ROBO2: variants seen among roughly 807,000 people sequenced by gnomAD.
ROBO2 encodes roundabout guidance receptor 2.
ROBO2 carries 53 observed loss-of-function variants against 160.8 expected under a neutral mutation model. The observed-to-expected ratio is 0.33, with a 90% CI of 0.26 to 0.41. The LOEUF (loss-of-function observed/expected upper bound fraction) is 0.41, where lower values mean the gene tolerates loss of function less well. Ranked by LOEUF, ROBO2 falls within the 10% of genes least tolerant of loss-of-function variation. The pLI is 1.00. For synonymous variants in ROBO2, 664 were observed against 611.7 expected (o/e 1.09, Z -1.26); for missense variants, 1,577 against 1,722.4 (o/e 0.92, Z 1.49).
chr3:77,331,221 C>T (rs1371443684), intron 2 of ROBO2, among the ~76,000 whole-genome samples: 1 of 152,166 alleles, frequency 6.6e-6, no homozygotes, highest in Non-Finnish European at 1.5e-5. Context: ...AATACATAAA[C>T]AGGACTCAAA....
intron 2 of ROBO2, among the ~76,000 whole-genome samples, chr3:76,484,942 T>C (rs1183830185): frequency 6.6e-6 from 1 of 152,078 alleles, no homozygotes; most frequent in East Asian, 1.9e-4. Flanking sequence ...CCCTATTTGG[T>C]CAACTATCTG....
intron 2 of ROBO2, among the ~76,000 whole-genome samples, chr3:77,292,912 C>A (rs1190746664): frequency 3.4e-5 from 5 of 149,002 alleles, no homozygotes; most frequent in Non-Finnish European, 7.4e-5. Context: ...GAGGCTAGAT[C>A]ACCAAAGACA....
At chr3:76,097,541 G>A (rs748597129) in intron 2 of ROBO2, among the ~76,000 whole-genome samples, 17 of 151,666 alleles carry the variant, frequency 1.1e-4, no homozygotes, top group Non-Finnish European at 1.9e-4. Flanking sequence ...ACTGTGCATG[G>A]CAGATGGTGA....
intron 2 of ROBO2, among the ~76,000 whole-genome samples, chr3:76,081,729 C>T (rs1438555201): frequency 6.6e-6 from 1 of 152,026 alleles, no homozygotes; most frequent in African/African-American, 2.4e-5. Context: ...GGATACCACA[C>T]CTGTCCTTTA....
intron 17 of ROBO2, among the ~76,000 whole-genome samples, chr3:77,591,693 T>C (rs1461007531): frequency 6.6e-6 from 1 of 152,174 alleles, no homozygotes; most frequent in African/African-American, 2.4e-5. Flanking sequence ...AGACTTTTGA[T>C]TGAGAGTCAC....
At chr3:76,948,908 A>ATATATTTTTTT (rs1209284372) in intron 2 of ROBO2, among the ~76,000 whole-genome samples, 5 of 24,966 alleles carry the variant, frequency 2.0e-4, no homozygotes, top group African/African-American at 9.2e-4. Context: ...ATATATATAT[A>ATATATTTTTTT]TTTTTTTTTT....
intron 2 of ROBO2, among the ~76,000 whole-genome samples, chr3:77,456,919 G>A (rs535764891): frequency 6.6e-6 from 1 of 152,296 alleles, no homozygotes; most frequent in Non-Finnish European, 1.5e-5. Context: ...CTGCATCTGA[G>A]CACCAATTTC....
chr3:76,700,665 A>G (rs2093029072), intron 2 of ROBO2, among the ~76,000 whole-genome samples: 1 of 152,132 alleles, frequency 6.6e-6, no homozygotes, highest in African/African-American at 2.4e-5. Context: ...GTTCTTGACT[A>G]TCTTCTTCAA....
At chr3:76,742,067 A>T (rs1047655547) in intron 2 of ROBO2, among the ~76,000 whole-genome samples, 5 of 152,056 alleles carry the variant, frequency 3.3e-5, no homozygotes, top group Admixed American at 3.3e-4. Flanking sequence ...TGAGTGAAAA[A>T]TTTCATTATA....
At chr3:77,171,188 T>C (rs936085669) in intron 2 of ROBO2, among the ~76,000 whole-genome samples, 1 of 152,184 alleles carries the variant, frequency 6.6e-6, no homozygotes, top group African/African-American at 2.4e-5. Context: ...GGACATTGCC[T>C]GCACTGGCAT....
chr3:76,465,998 GGT>G (rs57838247), intron 2 of ROBO2, among the ~76,000 whole-genome samples: 38,674 of 147,494 alleles, frequency 0.26, 5,031 homozygotes, highest in East Asian at 0.39. Flanking sequence ...ATAAAATATG[GGT>G]GTGTGTGTGT....
intron 2 of ROBO2, among the ~76,000 whole-genome samples, chr3:76,257,865 G>A (rs1345966265): frequency 2.0e-5 from 3 of 152,064 alleles, no homozygotes; most frequent in Non-Finnish European, 4.4e-5. Context: ...ATGGGGTGGG[G>A]GAAAGATAGA....
At chr3:76,746,907 G>A (rs916710689) in intron 2 of ROBO2, among the ~76,000 whole-genome samples, 4 of 152,026 alleles carry the variant, frequency 2.6e-5, no homozygotes, top group Non-Finnish European at 5.9e-5. Flanking sequence ...GCGGCATTTG[G>A]TTTTCTGATC....
chr3:76,064,144 C>T (rs1442257219), intron 2 of ROBO2, among the ~76,000 whole-genome samples: 1 of 152,126 alleles, frequency 6.6e-6, no homozygotes, highest in Non-Finnish European at 1.5e-5. Context: ...CTGGTCGACA[C>T]CTTGATTTTA....
chr3:77,537,161 A>G (rs1359064113), intron 6 of ROBO2, among the ~76,000 whole-genome samples: 1 of 151,020 alleles, frequency 6.6e-6, no homozygotes, highest in East Asian at 2.0e-4. Flanking sequence ...TTGCCTTTAC[A>G]GTTGCAACAC....
At chr3:77,075,186 G>A (rs1014351800) in intron 1 of ROBO2, among the ~76,000 whole-genome samples, 3 of 151,980 alleles carry the variant, frequency 2.0e-5, no homozygotes, top group South Asian at 2.1e-4. Context: ...TAGAACAACC[G>A]ACCAGGTTTT....
chr3:77,463,386 A>T (rs1393827459), intron 2 of ROBO2, among the ~76,000 whole-genome samples: 1 of 152,150 alleles, frequency 6.6e-6, no homozygotes, highest in Middle Eastern at 3.2e-3. Flanking sequence ...GGATATTAGT[A>T]CTGTATAACA....
chr3:77,586,681 T>A (rs922825611), intron 16 of ROBO2, among the ~76,000 whole-genome samples: 3 of 151,864 alleles, frequency 2.0e-5, no homozygotes, highest in Non-Finnish European at 2.9e-5. Context: ...TTTACAAAAA[T>A]GAAGGCCAAA....
chr3:76,005,263 A>G (rs952759530), intron 2 of ROBO2, among the ~76,000 whole-genome samples: 2 of 152,224 alleles, frequency 1.3e-5, no homozygotes, highest in African/African-American at 2.4e-5. Flanking sequence ...CAATAAAAGG[A>G]TCTTTGAATG....
Sources: allele counts gnomAD v4.1 joint callset (sites outside exome capture counted in the v4.1 genomes callset), GRCh38; gene constraint gnomAD v4.1.1; transcripts MANE v1.5; gene names NCBI Gene and HGNC (gene_info 2026-07-23, HGNC 2026-07-21).